Variants in EYA2 observed in about 807,000 individuals in gnomAD.
EYA2 encodes EYA transcriptional coactivator and phosphatase 2.
EYA2 carries 31 observed loss-of-function variants against 69.2 expected under a neutral mutation model. That is an observed-to-expected ratio of 0.45 (90% CI 0.34 to 0.60). The LOEUF is 0.60. Among genes scored for constraint, EYA2 ranks in the 20% least tolerant of loss-of-function variants. The probability of loss-of-function intolerance (pLI) is 0.02; values close to 1 mark genes in which losing one functional copy is unlikely to be tolerated. For missense variants in EYA2, 622 were observed against 701.2 expected (o/e 0.89, Z 1.28); for synonymous variants, 257 against 279.4 (o/e 0.92, Z 0.80).
At chr20:47,001,531 G>T in intron 3 of EYA2, 58 bp downstream of exon 3, 1 of 1,569,936 alleles carries the variant, frequency 6.4e-7, no homozygotes, top group South Asian at 1.1e-5. Flanking sequence ...TTTCTTGGAA[G>T]GTAGAGGTTA....
chr20:47,145,571 C>G (rs1482382662), intron 10 of EYA2, among the ~76,000 whole-genome samples: 2 of 152,110 alleles, frequency 1.3e-5, no homozygotes, highest in Non-Finnish European at 2.9e-5. Context: ...TTAAAAAGAC[C>G]TCTCTGGCTG....
chr20:47,082,298 A>T (rs921987233), intron 7 of EYA2, among the ~76,000 whole-genome samples: 1 of 152,142 alleles, frequency 6.6e-6, no homozygotes, highest in Admixed American at 6.5e-5. Context: ...AGAAAAGAAG[A>T]AGTAAAACTT....
chr20:46,919,231 C>A (rs991866017), intron 1 of EYA2, among the ~76,000 whole-genome samples: 3 of 152,216 alleles, frequency 2.0e-5, no homozygotes, highest in African/African-American at 7.2e-5. Flanking sequence ...TGCATTGGCC[C>A]TTAACAAGAG....
chr20:47,115,185 C>T (rs1252749154), intron 9 of EYA2, among the ~76,000 whole-genome samples: 1 of 152,172 alleles, frequency 6.6e-6, no homozygotes, highest in Non-Finnish European at 1.5e-5. Context: ...TACCCTTCTC[C>T]CACCTGCCAG....
intron 5 of EYA2, among the ~76,000 whole-genome samples, chr20:47,035,736 C>T (rs1984666470): frequency 6.6e-6 from 1 of 152,014 alleles, no homozygotes; most frequent in Admixed American, 6.5e-5. Context: ...TAATACTGGG[C>T]CGGGCTTGGT....
intron 12 of EYA2, among the ~76,000 whole-genome samples, chr20:47,175,278 C>T (rs563541063): frequency 7.2e-5 from 11 of 152,296 alleles, no homozygotes; most frequent in African/African-American, 1.7e-4. Flanking sequence ...AAGGTACACT[C>T]GGAAGAAAGG....
rs185297882 is a variant in EYA2 at position 47,055,410 on chromosome 20, G to A, written c.416-16775G>A. 2.0e-5 allele frequency among the ~76,000 whole-genome samples: 3 copies of A among 152,308 alleles called. No individual in the cohort carries two copies. In the East Asian group the frequency reaches 5.8e-4, roughly 29 times the overall value. On this transcript the variant is annotated intron_variant, in intron 5 of 15. Transcript: ENST00000327619. ...CCACCACACTGGGTGAAGGCAGATG[G>A]TCTGTCCCTCCCTATATTGTATCAG...
chr20:46,966,283 A>G (rs1454994672), intron 1 of EYA2, among the ~76,000 whole-genome samples: 1 of 152,118 alleles, frequency 6.6e-6, no homozygotes, highest in Non-Finnish European at 1.5e-5. Context: ...CACTGTGCCC[A>G]GCATACCGTT....
intron 9 of EYA2, among the ~76,000 whole-genome samples, chr20:47,128,413 G>T (rs1290291423): frequency 6.6e-6 from 1 of 152,104 alleles, no homozygotes; most frequent in Non-Finnish European, 1.5e-5. Flanking sequence ...AATCAGGGCT[G>T]ATTTTTAGGT....
At chr20:46,940,110 G>T (rs1986090644) in intron 1 of EYA2, among the ~76,000 whole-genome samples, 1 of 152,168 alleles carries the variant, frequency 6.6e-6, no homozygotes, top group South Asian at 2.1e-4. Flanking sequence ...CTTCATGGAG[G>T]AAGAAAGGCT....
chr20:47,028,333 GT>G (rs904679426), intron 5 of EYA2, among the ~76,000 whole-genome samples: 2 of 152,236 alleles, frequency 1.3e-5, no homozygotes, highest in Admixed American at 6.5e-5. Context: ...AAGACAGTAG[GT>G]TTTTCCTAGA....
chr20:47,156,123 CACACATATAT>C (rs2033933796), intron 10 of EYA2, among the ~76,000 whole-genome samples: 4 of 23,960 alleles, frequency 1.7e-4, no homozygotes, highest in Admixed American at 6.7e-4. Context: ...CACACACACA[CACACATATAT>C]ATATATATAT....
At chr20:47,107,385 C>T (rs1033820053) in intron 9 of EYA2, among the ~76,000 whole-genome samples, 1 of 151,212 alleles carries the variant, frequency 6.6e-6, no homozygotes, top group Non-Finnish European at 1.5e-5. Flanking sequence ...ATTAGCCAGG[C>T]GTGGTGGTGG....
At chr20:47,063,598 G>T (rs1463323901) in intron 5 of EYA2, among the ~76,000 whole-genome samples, 1 of 152,128 alleles carries the variant, frequency 6.6e-6, no homozygotes, top group Non-Finnish European at 1.5e-5. Context: ...TTTCCACTTT[G>T]TTGCAGATGA....
chr20:46,904,251 C>T (rs887111800), intron 1 of EYA2, among the ~76,000 whole-genome samples: 1 of 152,080 alleles, frequency 6.6e-6, no homozygotes, highest in Non-Finnish European at 1.5e-5. Context: ...GGGTGTTTGG[C>T]ACATAGTAAG....
chr20:47,169,103 CT>C, intron 10 of EYA2, 35 bp from the exon 11 acceptor site: 1 of 428,280 alleles, frequency 2.3e-6, no homozygotes, highest in Non-Finnish European at 3.3e-6. Flanking sequence ...CAGGCATGTT[CT>C]CTCTCTCTCT....
At chr20:47,002,584 A>G (rs573322139) in intron 3 of EYA2, among the ~76,000 whole-genome samples, 1 of 152,288 alleles carries the variant, frequency 6.6e-6, no homozygotes, top group East Asian at 1.9e-4. Flanking sequence ...TCTGTACCAC[A>G]ATTTCTTTAC....
At chr20:47,072,640 C>T (rs1217576510) in intron 6 of EYA2, among the ~76,000 whole-genome samples, 1 of 152,112 alleles carries the variant, frequency 6.6e-6, no homozygotes, top group East Asian at 1.9e-4. Flanking sequence ...TGGTGAGAGC[C>T]CAGCACACAG....
intron 1 of EYA2, among the ~76,000 whole-genome samples, chr20:46,925,303 A>G (rs779499546): frequency 3.3e-5 from 5 of 152,234 alleles, no homozygotes; most frequent in Admixed American, 2.6e-4. Flanking sequence ...TCAAGCACTC[A>G]AGGGCTAGGA....
Sources: gnomAD v4.1 joint callset for allele counts (sites outside exome capture counted in the v4.1 genomes callset) on GRCh38, gnomAD v4.1.1 for gene constraint, MANE v1.5 for transcripts, NCBI Gene and HGNC (gene_info 2026-07-23, HGNC 2026-07-21) for gene names.